Variants in ESRRG observed in about 807,000 individuals in gnomAD.
ESRRG encodes estrogen-related receptor gamma.
ESRRG carries 13 observed loss-of-function variants against 44.0 expected under a neutral mutation model. The observed-to-expected ratio is 0.30, with a 90% CI of 0.19 to 0.47. The LOEUF (loss-of-function observed/expected upper bound fraction) is 0.47, where lower values mean the gene tolerates loss of function less well. ESRRG is among the 20% of genes least tolerant of loss of function. The pLI is 1.00. For synonymous variants in ESRRG, 215 were observed against 214.6 expected, an observed-to-expected ratio of 1.00 and a Z score of -0.02; for missense variants, 395 against 580.6, an observed-to-expected ratio of 0.68 and a Z score of 3.29.
intron 1 of ESRRG, among the ~76,000 whole-genome samples, chr1:217,041,113 A>G (rs1268112089): frequency 1.3e-5 from 2 of 152,140 alleles, no homozygotes; most frequent in Non-Finnish European, 2.9e-5. Context: ...GAGTGGGTGT[A>G]GAGAATTTTA....
intron 5 of ESRRG, among the ~76,000 whole-genome samples, chr1:216,530,552 G>A (rs1342149532): frequency 1.3e-5 from 2 of 152,088 alleles, no homozygotes; most frequent in African/African-American, 4.8e-5. Flanking sequence ...GTTTGTGAAG[G>A]CCTCACCTAC....
intron 1 of ESRRG, among the ~76,000 whole-genome samples, chr1:217,048,805 A>G (rs2085366413): frequency 6.6e-6 from 1 of 152,212 alleles, no homozygotes; most frequent in Admixed American, 6.5e-5. Context: ...GTCTGAGCAT[A>G]GTGTGAGTAA....
At chr1:216,536,581 G>T (rs770105670) in intron 5 of ESRRG, among the ~76,000 whole-genome samples, 1 of 151,932 alleles carries the variant, frequency 6.6e-6, no homozygotes, top group African/African-American at 2.4e-5. Context: ...TTAATCAGGG[G>T]TCACCTCTTC....
At chr1:216,608,597 G>A (rs1407881580) in intron 3 of ESRRG, among the ~76,000 whole-genome samples, 11 of 152,120 alleles carry the variant, frequency 7.2e-5, no homozygotes, top group Admixed American at 7.2e-4. Flanking sequence ...TGGAATGTGT[G>A]GATATTCTAG....
At chr1:217,121,117 A>C (rs2092812235) in intron 1 of ESRRG, among the ~76,000 whole-genome samples, 1 of 93,942 alleles carries the variant, frequency 1.1e-5, no homozygotes, top group Non-Finnish European at 2.4e-5. Flanking sequence ...GGTCTTGAAG[A>C]ATACACACAC....
At chr1:216,723,949 C>T (rs1394541035), upstream of ESRRG, among the ~76,000 whole-genome samples, 1 of 152,008 alleles carries the variant, frequency 6.6e-6, no homozygotes, top group African/African-American at 2.4e-5. Flanking sequence ...CACCGGGGGC[C>T]GCGGCTTATT....
At chr1:216,563,252 C>T (rs946716660) in intron 5 of ESRRG, among the ~76,000 whole-genome samples, 4 of 152,152 alleles carry the variant, frequency 2.6e-5, no homozygotes, top group African/African-American at 9.7e-5. Flanking sequence ...GTGTTCCTAA[C>T]CACTGTAACA....
intron 1 of ESRRG, among the ~76,000 whole-genome samples, chr1:216,945,863 G>A (rs954131614): frequency 1.3e-5 from 2 of 152,142 alleles, no homozygotes; most frequent in Non-Finnish European, 2.9e-5. Flanking sequence ...CTGATGGTTG[G>A]TCTGATCAAA....
intron 2 of ESRRG, among the ~76,000 whole-genome samples, chr1:216,835,379 G>A (rs1340085004): frequency 6.6e-6 from 1 of 152,162 alleles, no homozygotes; most frequent in African/African-American, 2.4e-5. Flanking sequence ...ATCTGGACTG[G>A]TTACACTCAG....
intron 1 of ESRRG, among the ~76,000 whole-genome samples, chr1:217,098,999 C>A (rs1468800942): frequency 6.6e-6 from 1 of 152,148 alleles, no homozygotes; most frequent in Non-Finnish European, 1.5e-5. Context: ...TCCCCCATAG[C>A]CCTTAACACC....
chr1:216,908,566 G>C (rs550889156), intron 2 of ESRRG, among the ~76,000 whole-genome samples: 3 of 152,184 alleles, frequency 2.0e-5, no homozygotes, highest in Admixed American at 6.5e-5. Context: ...CAGCTTGCTA[G>C]GACAGTCTGC....
chr1:216,838,804 A>C (rs1193469563), intron 2 of ESRRG, among the ~76,000 whole-genome samples: 2 of 152,158 alleles, frequency 1.3e-5, no homozygotes, highest in African/African-American at 4.8e-5. Flanking sequence ...ATTATGTCTA[A>C]AAAACAGTTT....
chr1:216,868,174 G>A (rs1441333715), intron 2 of ESRRG, among the ~76,000 whole-genome samples: 8 of 130,928 alleles, frequency 6.1e-5, no homozygotes, highest in African/African-American at 1.7e-4. Context: ...TGCAACCTCC[G>A]CCTCCCAGGT....
intron 4 of ESRRG, 40 bp downstream of exon 4, chr1:216,567,948 T>G: frequency 7.4e-7 from 1 of 1,351,418 alleles, no homozygotes; most frequent in Non-Finnish European, 1.1e-6. Flanking sequence ...ACTGGGAGGA[T>G]TTCGTGTTCT....
chr1:216,910,136 TCA>T (rs1209507199), intron 2 of ESRRG, among the ~76,000 whole-genome samples: 1 of 152,088 alleles, frequency 6.6e-6, no homozygotes, highest in East Asian at 1.9e-4. Context: ...AAAAAAATTG[TCA>T]AGTAATAAAA....
chr1:216,577,697 T>C (rs74141611), intron 3 of ESRRG, among the ~76,000 whole-genome samples: 3,680 of 152,062 alleles, frequency 0.024, 139 homozygotes, highest in African/African-American at 0.084. Context: ...TTTGGTTCAT[T>C]TGATGGAAAT....
chr1:216,961,821 T>C (rs1381241599), intron 1 of ESRRG, among the ~76,000 whole-genome samples: 1 of 152,124 alleles, frequency 6.6e-6, no homozygotes, highest in Non-Finnish European at 1.5e-5. Flanking sequence ...AACGAGAAGG[T>C]CATTGACACT....
chr1:217,025,666 C>T (rs191666691), intron 1 of ESRRG, among the ~76,000 whole-genome samples: 2 of 152,252 alleles, frequency 1.3e-5, no homozygotes, highest in African/African-American at 4.8e-5. Context: ...TTGGCCAAAC[C>T]CTTATGGGTC....
rs566582339 is a variant in ESRRG, at chr1:216,880,040, G to T, written c.-14+59542C>A. Among the ~76,000 whole-genome samples, 24 of 151,994 alleles carry T rather than the reference G, an allele frequency of 1.6e-4. No individual in the cohort carries two copies. The South Asian group carries it at 5.0e-3, about 32-fold the overall frequency. ...AAGATAAACTAGGCTGGGCATGGTG[G>T]CTCACATCTGTCATCACAGCACTTT... On this transcript the variant is annotated intron_variant, in intron 2 of 7. Transcript: ENST00000359162.
Sources: gnomAD v4.1 joint callset for allele counts (sites outside exome capture counted in the v4.1 genomes callset) on GRCh38, gnomAD v4.1.1 for gene constraint, MANE v1.5 for transcripts, NCBI Gene and HGNC (gene_info 2026-07-23, HGNC 2026-07-21) for gene names.